The following USP46 variants were observed in gnomAD, a reference collection of about 807,000 sequenced individuals.
The protein encoded by USP46 is ubiquitin specific peptidase 46.
USP46 carries 12 observed loss-of-function variants against 44.4 expected under a neutral mutation model. The ratio of observed to expected loss-of-function variants is 0.27; its 90% CI spans 0.17 to 0.44. The LOEUF (loss-of-function observed/expected upper bound fraction) is 0.44, where lower values mean the gene tolerates loss of function less well. Ranked by LOEUF, USP46 falls within the 20% of genes least tolerant of loss-of-function variation. The probability of loss-of-function intolerance (pLI) is 1.00; values close to 1 mark genes in which losing one functional copy is unlikely to be tolerated. For missense variants in USP46, 248 were observed against 444.8 expected (o/e 0.56, Z 3.98); for synonymous variants, 155 against 161.5 (o/e 0.96, Z 0.31).
At chr4:52,636,989 T>C (rs758870428) in intron 1 of USP46, among the ~76,000 whole-genome samples, 2 of 151,884 alleles carry the variant, frequency 1.3e-5, no homozygotes, top group Non-Finnish European at 2.9e-5. Context: ...TTTGTATTTT[T>C]TTGTAGGGAC....
intron 5 of USP46, among the ~76,000 whole-genome samples, chr4:52,609,520 C>A (rs1191127058): frequency 6.6e-6 from 1 of 152,210 alleles, no homozygotes; most frequent in Non-Finnish European, 1.5e-5. Flanking sequence ...TTGCTCCCTG[C>A]ATCTTTCTCC....
intron 7 of USP46, 131 bp from the exon 8 acceptor site, chr4:52,598,837 T>C (rs1411069813): frequency 1.3e-6 from 1 of 774,652 alleles, no homozygotes; most frequent in African/African-American, 1.8e-5. Context: ...ACTTGGCATA[T>C]AGCTCATGTC....
At chr4:52,643,833 T>TA (rs1398371010) in intron 1 of USP46, among the ~76,000 whole-genome samples, 3 of 152,192 alleles carry the variant, frequency 2.0e-5, no homozygotes, top group Admixed American at 6.5e-5. Context: ...ACTCAGCCAA[T>TA]AAGAGCAGAT....
Position 52,596,998 on chromosome 4 carries a change from G to C in USP46, c.*642C>G, listed in dbSNP as rs7675404. On this transcript the variant is annotated 3_prime_UTR_variant, in exon 9 of 9. Coordinates refer to ENST00000441222, the MANE Select transcript of USP46 (RefSeq NM_022832.4). Reference sequence around the variant, plus strand: ...CTGAGCCTTCTTAGCCCCTGGAATTGTAATGGCTAGGTCAGCACAGCCCAG... The same window carrying C: ...CTGAGCCTTCTTAGCCCCTGGAATTCTAATGGCTAGGTCAGCACAGCCCAG... 0.18 allele frequency: 27,449 copies of C among 152,554 alleles called. 3,060 individuals carry two copies. Among genetic ancestry groups the C allele is most frequent in the African/African-American group, 0.33 (13,546 of 41,466 alleles). The allele number at this position is 152,554 out of a possible 1,614,324, so 9.5% of individuals were successfully genotyped here.
chr4:52,635,195 T>G (rs1718065931), intron 1 of USP46, among the ~76,000 whole-genome samples: 1 of 152,100 alleles, frequency 6.6e-6, no homozygotes, highest in Non-Finnish European at 1.5e-5. Context: ...GTCCTCTACT[T>G]TCTCATTCAA....
intron 5 of USP46, among the ~76,000 whole-genome samples, chr4:52,606,550 GA>G (rs1267855436): frequency 6.6e-6 from 1 of 152,076 alleles, no homozygotes; most frequent in African/African-American, 2.4e-5. Flanking sequence ...ACTACCACGA[GA>G]ATAGTATGGG....
intron 5 of USP46, among the ~76,000 whole-genome samples, chr4:52,608,288 T>C (rs1716777545): frequency 6.6e-6 from 1 of 152,250 alleles, no homozygotes; most frequent in Non-Finnish European, 1.5e-5. Flanking sequence ...CTTTGATATA[T>C]TTTCAATTAA....
chr4:52,650,799 C>T (rs963471334), intron 1 of USP46, among the ~76,000 whole-genome samples: 1 of 151,894 alleles, frequency 6.6e-6, no homozygotes, highest in Non-Finnish European at 1.5e-5. Flanking sequence ...CTATTTAATA[C>T]CAAGAAAAAG....
chr4:52,629,759 G>C (rs192950137), intron 2 of USP46: 5 of 456,136 alleles, frequency 1.1e-5, no homozygotes, highest in Non-Finnish European at 2.2e-5. Context: ...GTTTTAAATA[G>C]GCGCTCTCAT....
chr4:52,619,519 C>T (rs1475667816), intron 4 of USP46, among the ~76,000 whole-genome samples: 1 of 152,172 alleles, frequency 6.6e-6, no homozygotes, highest in Non-Finnish European at 1.5e-5. Flanking sequence ...CATCTAAAGG[C>T]TGTCTGCCCT....
chr4:52,630,620 C>T (rs1300046364), intron 2 of USP46, among the ~76,000 whole-genome samples: 1 of 151,878 alleles, frequency 6.6e-6, no homozygotes, highest in African/African-American at 2.4e-5. Flanking sequence ...TGCCTGTAAT[C>T]CCAGCTACTC....
chr4:52,614,716 A>G (rs1206028627), intron 4 of USP46, among the ~76,000 whole-genome samples: 1 of 152,198 alleles, frequency 6.6e-6, no homozygotes, highest in African/African-American at 2.4e-5. Flanking sequence ...ATAATGATAA[A>G]TATTTGTGCA....
At chr4:52,625,034 T>G (rs1036781541) in intron 4 of USP46, among the ~76,000 whole-genome samples, 3 of 152,220 alleles carry the variant, frequency 2.0e-5, no homozygotes, top group Admixed American at 2.0e-4. Flanking sequence ...CAAAAGCTAC[T>G]ACCTCTCTTT....
At chr4:52,646,650 T>C (rs901491040) in intron 1 of USP46, among the ~76,000 whole-genome samples, 3 of 152,222 alleles carry the variant, frequency 2.0e-5, no homozygotes, top group Admixed American at 6.5e-5. Context: ...TATTGTATTT[T>C]ACAAATATAT....
intron 2 of USP46, chr4:52,629,622 T>G (rs1429357832): frequency 2.2e-6 from 1 of 456,130 alleles, no homozygotes; most frequent in African/African-American, 2.0e-5. Context: ...CCTCTCTTAC[T>G]CAGTATCTCA....
chr4:52,607,898 T>C (rs1716756301), intron 5 of USP46, among the ~76,000 whole-genome samples: 1 of 152,210 alleles, frequency 6.6e-6, no homozygotes, highest in Admixed American at 6.5e-5. Flanking sequence ...TGCAGAACAA[T>C]GAGCCAATTA....
intron 1 of USP46, chr4:52,650,901 A>G (rs1265634063): frequency 6.6e-6 from 1 of 152,206 alleles, no homozygotes; most frequent in Non-Finnish European, 1.5e-5. Flanking sequence ...GATCAAGACC[A>G]TCCCAGGCAA....
At chr4:52,625,307 G>A (rs191507696) in intron 4 of USP46, among the ~76,000 whole-genome samples, 5 of 152,022 alleles carry the variant, frequency 3.3e-5, no homozygotes, top group African/African-American at 9.6e-5. Flanking sequence ...TTAATAATTT[G>A]CACAGGTTCC....
chr4:52,631,000 T>G, intron 2 of USP46, 64 bp downstream of exon 2: 1 of 1,376,318 alleles, frequency 7.3e-7, no homozygotes, highest in Non-Finnish European at 1.0e-6. Flanking sequence ...AAAATGCACT[T>G]AAAGTGGAGT....
Sources: allele counts gnomAD v4.1 joint callset (sites outside exome capture counted in the v4.1 genomes callset), GRCh38; gene constraint gnomAD v4.1.1; transcripts MANE v1.5; gene names NCBI Gene and HGNC (gene_info 2026-07-23, HGNC 2026-07-21).